Variants in MPDZ observed in about 807,000 individuals in gnomAD.
MPDZ encodes multiple PDZ domain crumbs cell polarity complex component.
MPDZ carries 234 observed loss-of-function variants against 239.1 expected under a neutral mutation model. The observed-to-expected ratio is 0.98, with a 90% CI of 0.88 to 1.09. MPDZ has a LOEUF of 1.09. Ranked by LOEUF, MPDZ falls within the 50% of genes least tolerant of loss-of-function variation. The pLI, the probability that MPDZ is intolerant of heterozygous loss-of-function variation, is 0.00. For synonymous variants in MPDZ, 1,048 were observed against 881.3 expected (o/e 1.19, Z -3.35); for missense variants, 3,175 against 2,510.0 (o/e 1.26, Z -5.66).
chr9:13,232,166 G>C (rs948584234), intron 3 of MPDZ, among the ~76,000 whole-genome samples: 1 of 152,180 alleles, frequency 6.6e-6, no homozygotes, highest in Non-Finnish European at 1.5e-5. Context: ...CCACATAATT[G>C]TGTGTACTGA....
chr9:13,193,471 T>C (rs1022509962), intron 13 of MPDZ, among the ~76,000 whole-genome samples, 158 bp from the exon 14 acceptor site: 2 of 152,206 alleles, frequency 1.3e-5, no homozygotes, highest in African/African-American at 4.8e-5. Flanking sequence ...GGCTTTTCCT[T>C]TGAAAGAGTA....
intron 43 of MPDZ, among the ~76,000 whole-genome samples, chr9:13,111,062 C>T (rs1942378774): frequency 6.6e-6 from 1 of 152,214 alleles, no homozygotes. Flanking sequence ...CATTTGGAAA[C>T]TGAAATTTCT....
At chr9:13,162,645 C>G (rs769767649) in intron 23 of MPDZ, 46 bp downstream of exon 23, 42 of 1,284,914 alleles carry the variant, frequency 3.3e-5, no homozygotes, top group Non-Finnish European at 4.4e-5. Context: ...AAATTCTCTA[C>G]AACTTGCTGT....
intron 3 of MPDZ, among the ~76,000 whole-genome samples, chr9:13,225,518 C>T (rs976459316): frequency 5.9e-5 from 9 of 151,922 alleles, no homozygotes; most frequent in African/African-American, 2.2e-4. Context: ...ATAGTAACTT[C>T]CAGTCCTGCA....
intron 10 of MPDZ, among the ~76,000 whole-genome samples, chr9:13,209,602 T>C (rs1269914596): frequency 6.6e-6 from 1 of 152,174 alleles, no homozygotes. Context: ...CAAAAGCAGG[T>C]TGCACACTGA....
chr9:13,231,363 C>T (rs1447990729), intron 3 of MPDZ, among the ~76,000 whole-genome samples: 1 of 151,898 alleles, frequency 6.6e-6, no homozygotes, highest in Non-Finnish European at 1.5e-5. Context: ...GCCAGGAGTT[C>T]GAGACCAGCC....
At chr9:13,165,250 T>C (rs1045059337) in intron 22 of MPDZ, 10 of 1,001,312 alleles carry the variant, frequency 1.0e-5, no homozygotes, top group Admixed American at 2.8e-5. Context: ...AAAATGTATA[T>C]ACAAAATCTA....
At chr9:13,192,390 G>C in intron 14 of MPDZ, 95 bp from the exon 15 acceptor site, 1 of 1,081,272 alleles carries the variant, frequency 9.2e-7, no homozygotes, top group Non-Finnish European at 1.3e-6. Context: ...TTTTACTATA[G>C]TCATTACCAC....
Position 13,110,032 on chromosome 9 carries a change from T to C in MPDZ, c.5862A>G (p.Thr1954=), listed in dbSNP as rs1305802982. The C allele has an allele frequency of 1.9e-6, 3 of 1,613,096 alleles. No individual in the cohort carries two copies. The highest frequency in any genetic ancestry group is 2.7e-5 in the African/African-American group (2 of 74,910). ...AACTTGCAGGCTCCTGCTGATGACC[T>C]GTGACCACACTCACGTCTCCTCCAG... ...VVAGGDVSVV[T]GHQQEPASSS... The change falls in exon 45 of 47, where the codon ACA becomes ACG. Residue 1954 remains threonine, a synonymous_variant. Coordinates refer to ENST00000319217, the MANE Select transcript of MPDZ (RefSeq NM_001378778.1).
intron 35 of MPDZ, among the ~76,000 whole-genome samples, chr9:13,123,661 A>G (rs1367889273): frequency 6.6e-6 from 1 of 152,182 alleles, no homozygotes; most frequent in Non-Finnish European, 1.5e-5. Flanking sequence ...AATGGAGGCA[A>G]ACACATTTCT....
intron 10 of MPDZ, among the ~76,000 whole-genome samples, chr9:13,215,859 C>G (rs1322384686): frequency 1.4e-5 from 2 of 146,558 alleles, no homozygotes; most frequent in Middle Eastern, 3.4e-3. Context: ...CCTTGAACTC[C>G]CAGACTCAAG....
chr9:13,146,349 A>C (rs1003985936), intron 26 of MPDZ, among the ~76,000 whole-genome samples: 3 of 152,066 alleles, frequency 2.0e-5, no homozygotes, highest in African/African-American at 7.2e-5. Flanking sequence ...TCATCTAAAG[A>C]GCTGTTGGTT....
At chr9:13,121,352 C>G (rs921802251) in intron 38 of MPDZ, among the ~76,000 whole-genome samples, 2 of 152,176 alleles carry the variant, frequency 1.3e-5, no homozygotes, top group African/African-American at 4.8e-5. Flanking sequence ...GGGTCCCCCA[C>G]AAAGCATCTT....
intron 1 of MPDZ, among the ~76,000 whole-genome samples, chr9:13,254,565 T>C (rs1328946926): frequency 1.3e-5 from 2 of 152,064 alleles, no homozygotes; most frequent in East Asian, 1.9e-4. Flanking sequence ...TTTATAAAAA[T>C]AAAAAATGGA....
Position 13,125,284 on chromosome 9 carries a change from T to C in MPDZ, c.4739A>G (p.Glu1580Gly). The C allele has an allele frequency of 6.2e-7, 1 of 1,613,678 alleles. No individual in the cohort carries two copies. Among genetic ancestry groups the C allele is most frequent in the South Asian group, 1.1e-5 (1 of 91,052 alleles). ...CAGAGACTGGGAGCTGTTCTTTTTTTCTCCACTGGCTGCACCAGCTGCTGA... is the reference window on the plus strand; with the variant it reads ...CAGAGACTGGGAGCTGTTCTTTTTTCCTCCACTGGCTGCACCAGCTGCTGA... ...VPSAAGAASG[E>G]KKNSSQSLMV... The change falls in exon 35 of 47, where the codon GAA (glutamate) becomes GGA (glycine). Residue 1580 changes from glutamate to glycine, a missense_variant. By Grantham distance (98) the Glu-to-Gly change is moderately conservative. Transcript: ENST00000319217.
chr9:13,139,532 G>A (rs1460869413), intron 28 of MPDZ, among the ~76,000 whole-genome samples: 1 of 152,158 alleles, frequency 6.6e-6, no homozygotes, highest in Non-Finnish European at 1.5e-5. Context: ...CAGTTAAACA[G>A]CTTAGTCAAT....
chr9:13,260,152 T>C (rs140240623), intron 1 of MPDZ, among the ~76,000 whole-genome samples: 8 of 152,150 alleles, frequency 5.3e-5, no homozygotes, highest in African/African-American at 1.9e-4. Flanking sequence ...TTAAAGAGTT[T>C]AGATTTAATT....
At chr9:13,168,303 G>C (rs1007621642) in intron 22 of MPDZ, 63 bp downstream of exon 22, 9 of 1,470,766 alleles carry the variant, frequency 6.1e-6, no homozygotes, top group Non-Finnish European at 6.6e-6. Flanking sequence ...TACTGAAAAA[G>C]AATTCTGATT....
intron 3 of MPDZ, among the ~76,000 whole-genome samples, chr9:13,245,114 G>C (rs1330127): frequency 0.97 from 148,048 of 152,094 alleles, 72,166 homozygotes; most frequent in Middle Eastern, 1. Flanking sequence ...TTTAATTCCT[G>C]AATTCATTAA....
Sources: allele counts gnomAD v4.1 joint callset (sites outside exome capture counted in the v4.1 genomes callset), GRCh38; gene constraint gnomAD v4.1.1; transcripts MANE v1.5; gene names NCBI Gene and HGNC (gene_info 2026-07-23, HGNC 2026-07-21).